DNAH14: variants seen among roughly 807,000 people sequenced by gnomAD.
DNAH14 encodes axonemal beta dynein heavy chain 14.
Under a neutral mutation model 520.9 loss-of-function variants are expected in DNAH14, and 478 were observed. The observed-to-expected ratio is 0.92, with a 90% CI of 0.85 to 0.99. The LOEUF is 0.99. Among genes scored for constraint, DNAH14 ranks in the 50% least tolerant of loss-of-function variants. DNAH14 has a pLI of 0.00. For missense variants in DNAH14, 4,831 were observed against 5,234.5 expected (o/e 0.92, Z 2.38); for synonymous variants, 1,581 against 1,757.2 (o/e 0.90, Z 2.51).
intron 27 of DNAH14, among the ~76,000 whole-genome samples, chr1:225,131,461 G>A (rs903325862): frequency 5.3e-5 from 8 of 152,206 alleles, no homozygotes; most frequent in African/African-American, 1.9e-4. Context: ...GCATCTTTCT[G>A]ACTATTCTTC....
rs554605454 is a variant in DNAH14, at chr1:225,172,066, C to A, written c.5535+4038C>A. ...AAAAGGCCTTTGACAAAATTCAACA[C>A]CACTTCATGCTAAAAACTCTCAATA... On this transcript the variant is annotated intron_variant, in intron 36 of 85. Coordinates refer to ENST00000682510, the MANE Select transcript of DNAH14 (RefSeq NM_001367479.1). Among the ~76,000 whole-genome samples the A allele has an allele frequency of 1.1e-4, 17 of 152,190 alleles. No individual in the cohort carries two copies. In the South Asian group the frequency reaches 1.2e-3, roughly 11 times the overall value.
At chr1:225,099,296 C>T (rs984267270) in intron 22 of DNAH14, among the ~76,000 whole-genome samples, 3 of 152,006 alleles carry the variant, frequency 2.0e-5, no homozygotes, top group African/African-American at 4.8e-5. Context: ...TAGAAACTAG[C>T]GCTTGCCTCT....
chr1:225,321,192 G>C (rs765786535), intron 61 of DNAH14, among the ~76,000 whole-genome samples: 4 of 152,186 alleles, frequency 2.6e-5, no homozygotes, highest in Non-Finnish European at 4.4e-5. Context: ...TTTAAAATTA[G>C]ACTGTTAATG....
At chr1:225,164,874 G>A (rs2081895681) in intron 35 of DNAH14, among the ~76,000 whole-genome samples, 1 of 151,668 alleles carries the variant, frequency 6.6e-6, no homozygotes, top group Non-Finnish European at 1.5e-5. Flanking sequence ...TTTTTCCTTG[G>A]ACTTCTGCAC....
intron 11 of DNAH14, among the ~76,000 whole-genome samples, chr1:225,028,141 T>A (rs1424313520): frequency 6.6e-6 from 1 of 152,114 alleles, no homozygotes; most frequent in Non-Finnish European, 1.5e-5. Flanking sequence ...AAGACTCACC[T>A]CATAGAATGA....
intron 3 of DNAH14, among the ~76,000 whole-genome samples, chr1:224,957,553 C>G (rs2060592226): frequency 6.6e-6 from 1 of 152,056 alleles, no homozygotes; most frequent in Non-Finnish European, 1.5e-5. Flanking sequence ...AGGAAAAGGA[C>G]AGCTGCAAAG....
intron 36 of DNAH14, among the ~76,000 whole-genome samples, chr1:225,184,724 T>C (rs1255003652): frequency 6.9e-6 from 1 of 145,918 alleles, no homozygotes; most frequent in African/African-American, 2.5e-5. Flanking sequence ...CTCAACAAAC[T>C]AGGCATCAAA....
intron 9 of DNAH14, among the ~76,000 whole-genome samples, chr1:225,004,134 C>T (rs560456930): frequency 4.6e-5 from 7 of 152,032 alleles, no homozygotes; most frequent in East Asian, 1.9e-4. Flanking sequence ...CTATTATATG[C>T]GAAATGCTGT....
chr1:225,035,645 G>A (rs1329991961), intron 11 of DNAH14, among the ~76,000 whole-genome samples: 1 of 151,954 alleles, frequency 6.6e-6, no homozygotes, highest in Non-Finnish European at 1.5e-5. Flanking sequence ...TTCTGTGATT[G>A]ATTTGTAGGG....
At chr1:225,130,611 A>G (rs946320960) in intron 27 of DNAH14, among the ~76,000 whole-genome samples, 1 of 140,458 alleles carries the variant, frequency 7.1e-6, no homozygotes, top group Non-Finnish European at 1.5e-5. Flanking sequence ...ATAGATGGGA[A>G]TTGAACAATG....
At chr1:225,329,424 A>G (rs781475778) in intron 64 of DNAH14, among the ~76,000 whole-genome samples, 6 of 152,192 alleles carry the variant, frequency 3.9e-5, no homozygotes, top group Admixed American at 3.3e-4. Flanking sequence ...GGTTGGGGTC[A>G]GGTTGTGGAG....
At chr1:225,108,363 G>A (rs1381066950) in intron 23 of DNAH14, among the ~76,000 whole-genome samples, 2 of 152,098 alleles carry the variant, frequency 1.3e-5, no homozygotes, top group African/African-American at 4.8e-5. Flanking sequence ...AAGGCCTATT[G>A]TGGGACTTCA....
At chr1:225,057,249 T>A (rs1264090880) in intron 17 of DNAH14, among the ~76,000 whole-genome samples, 1 of 152,238 alleles carries the variant, frequency 6.6e-6, no homozygotes, top group East Asian at 1.9e-4. Flanking sequence ...GTCCTTCACA[T>A]CCCTTGTAAG....
In DNAH14 at chr1:225,098,017, C is replaced by G. The variant is rs941627279; in HGVS notation, c.3695+778C>G. 5.3e-5 allele frequency among the ~76,000 whole-genome samples: 8 copies of G among 152,060 alleles called. No individual in the cohort carries two copies. In the East Asian group the frequency reaches 1.5e-3, roughly 29 times the overall value. Reference sequence around the variant, plus strand: ...GCCATCTTGGGCAACACAGGGAAACCTCATGTCTTAAAAACAAACAAACAA... The same window carrying G: ...GCCATCTTGGGCAACACAGGGAAACGTCATGTCTTAAAAACAAACAAACAA... On this transcript the variant is annotated intron_variant, in intron 22 of 85. Coordinates refer to ENST00000682510, the MANE Select transcript of DNAH14 (RefSeq NM_001367479.1).
At chr1:225,374,978 GT>G in intron 78 of DNAH14, 93 bp downstream of exon 78, 1 of 1,238,062 alleles carries the variant, frequency 8.1e-7, no homozygotes, top group South Asian at 1.8e-5. Flanking sequence ...AAATTTTGAT[GT>G]TCATTTTTAA....
At chr1:225,025,844 C>A (rs1315395188) in intron 11 of DNAH14, among the ~76,000 whole-genome samples, 2 of 152,138 alleles carry the variant, frequency 1.3e-5, no homozygotes, top group African/African-American at 4.8e-5. Flanking sequence ...ATTGTTGAAT[C>A]TGTTTCCACT....
intron 1 of DNAH14, among the ~76,000 whole-genome samples, chr1:224,943,591 C>T (rs1037447586): frequency 4.6e-5 from 7 of 151,934 alleles, no homozygotes; most frequent in African/African-American, 9.7e-5. Context: ...GATGTTAGGG[C>T]GTCAATTTTA....
chr1:225,172,241 T>C (rs560307358), intron 36 of DNAH14, among the ~76,000 whole-genome samples: 12 of 152,196 alleles, frequency 7.9e-5, no homozygotes, highest in African/African-American at 2.2e-4. Flanking sequence ...CTATTCAACA[T>C]AGTGTTGGCA....
chr1:225,351,916 A>C, intron 72 of DNAH14, 33 bp downstream of exon 72: 1 of 1,508,154 alleles, frequency 6.6e-7, no homozygotes, highest in Non-Finnish European at 9.0e-7. Context: ...AACCTAACTT[A>C]AGTATGTGTG....
Sources: allele counts gnomAD v4.1 joint callset (sites outside exome capture counted in the v4.1 genomes callset), GRCh38; gene constraint gnomAD v4.1.1; transcripts MANE v1.5; gene names NCBI Gene and HGNC (gene_info 2026-07-23, HGNC 2026-07-21).